Variants in STARD9 observed in about 807,000 individuals in gnomAD.
STARD9 encodes the protein stAR-related lipid transfer protein 9.
STARD9 carries 346 observed loss-of-function variants against 399.8 expected under a neutral mutation model. That is an observed-to-expected ratio of 0.87 (90% CI 0.79 to 0.95). STARD9 has a LOEUF of 0.95. Ranked by LOEUF, STARD9 falls within the 40% of genes least tolerant of loss-of-function variation. The pLI is 0.00. For missense variants in STARD9, 5,832 were observed against 5,667.5 expected (o/e 1.03, Z -0.93); for synonymous variants, 2,203 against 2,143.5 (o/e 1.03, Z -0.77).
chr15:42,681,433 A>G lies in STARD9; in HGVS notation c.1886A>G (p.Glu629Gly). 6.5e-7 allele frequency: 1 copy of G among 1,535,624 alleles called. No individual in the cohort carries two copies. The highest frequency in any genetic ancestry group is 1.4e-5 in the African/African-American group (1 of 73,060). ...CGCTTCTGTGACAGGAGAGCGCTTG[A>G]AGAGCAATGTGACGAGGACCATCAG... ...PLLWKERRALEEQCDEDHQTP... is the reference protein window; with the variant it reads ...PLLWKERRALGEQCDEDHQTP... The change falls in exon 21 of 33, where the codon GAA (glutamate) becomes GGA (glycine). Residue 629 changes from glutamate to glycine, a missense_variant. By Grantham distance (98) the Glu-to-Gly change is moderately conservative (BLOSUM62 -2). Transcript: ENST00000290607.
Position 42,717,056 on chromosome 15 carries a change from A to C in STARD9, c.13494+8A>C. ...GACACTTCTATGGCTGATGTGAGTAACTGCTCCCACCCATCCCTACCATTC... is the reference window on the plus strand; with the variant it reads ...GACACTTCTATGGCTGATGTGAGTACCTGCTCCCACCCATCCCTACCATTC... On this transcript the variant is annotated splice_region_variant and intron_variant, in intron 28 of 32. Coordinates refer to ENST00000290607, the MANE Select transcript of STARD9 (RefSeq NM_020759.3). The C allele has an allele frequency of 6.5e-7, 1 of 1,537,110 alleles. No individual in the cohort carries two copies. Among genetic ancestry groups the C allele is most frequent in the Non-Finnish European group, 8.7e-7 (1 of 1,146,842 alleles).
At position 42,718,872 on chromosome 15, in the gene STARD9, G is replaced by A; in HGVS notation, c.13963G>A (p.Glu4655Lys). 6.5e-7 allele frequency: 1 copy of A among 1,537,208 alleles called. No homozygotes were observed. The highest frequency in any genetic ancestry group is 8.7e-7 in the Non-Finnish European group (1 of 1,146,880). ...SAWILQPITV[E>K]GKEVTRVIYL... ...CTGGATCTTGCAGCCCATCACTGTG[G>A]AAGGGAAGGAAGTCACCAGAGTCAT... Residue 4655 changes from glutamate (E) to lysine (K), a missense_variant, in exon 32 of 33, where the codon GAA becomes AAA. Physicochemically the swap from Glu to Lys is moderately conservative, Grantham distance 56. Around this residue, in one of 2 missense-constraint regions of STARD9, gnomAD observed 5,828 missense variants for 5,651.1 expected, o/e 1.03. Coordinates refer to ENST00000290607, the MANE Select transcript of STARD9 (RefSeq NM_020759.3).
At position 42,581,171 on chromosome 15, in the gene STARD9, C is replaced by G. The variant is rs911012268; in HGVS notation, c.48-2175C>G. 72 of 761,472 alleles carry G rather than the reference C, an allele frequency of 9.5e-5. 1 individual carries two copies. In the African/African-American group the frequency reaches 1.2e-3, roughly 13 times the overall value. 47.2% of individuals were successfully genotyped at this position (761,472 alleles called of 1,614,324 possible). On this transcript the variant is annotated intron_variant, in intron 1 of 32. Transcript: ENST00000290607. Reference sequence around the variant, plus strand: ...AGCATCACCCCCCAGCTGCATGTTTCCTGTCATGATTGTTCAAGTTGTTCA... The same window carrying G: ...AGCATCACCCCCCAGCTGCATGTTTGCTGTCATGATTGTTCAAGTTGTTCA...
chr15:42,710,847 T>G (rs1197647151), intron 26 of STARD9, among the ~76,000 whole-genome samples: 1 of 151,832 alleles, frequency 6.6e-6, no homozygotes, highest in Non-Finnish European at 1.5e-5. Context: ...TCACTCCCAT[T>G]TCTATCTCTG....
chr15:42,590,722 T>G (rs2141694967), intron 3 of STARD9, among the ~76,000 whole-genome samples: 1 of 152,284 alleles, frequency 6.6e-6, no homozygotes, highest in Middle Eastern at 3.4e-3. Context: ...AGCATCCAGT[T>G]GTAACAGAAG....
intron 3 of STARD9, among the ~76,000 whole-genome samples, chr15:42,627,902 C>T (rs1215658755): frequency 6.6e-6 from 1 of 152,112 alleles, no homozygotes; most frequent in Non-Finnish European, 1.5e-5. Flanking sequence ...AGTGCAGATA[C>T]CTTTTTGACA....
At chr15:42,695,069 C>T (rs1465412583) in intron 24 of STARD9, 71 bp from the exon 25 acceptor site, 3 of 1,266,786 alleles carry the variant, frequency 2.4e-6, no homozygotes, top group Non-Finnish European at 3.2e-6. Flanking sequence ...ATCACCCAAG[C>T]TAGCCTTGGA....
intron 16 of STARD9, 121 bp from the exon 17 acceptor site, chr15:42,674,319 G>T: frequency 1.3e-6 from 1 of 799,608 alleles, no homozygotes; most frequent in Non-Finnish European, 2.0e-6. Context: ...GGCTGGGATG[G>T]GATGAGAAGT....
At chr15:42,601,208 C>A (rs1019352434) in intron 3 of STARD9, among the ~76,000 whole-genome samples, 4 of 152,164 alleles carry the variant, frequency 2.6e-5, no homozygotes, top group African/African-American at 9.7e-5. Flanking sequence ...AACAGCATCC[C>A]AAGGCAGAAG....
chr15:42,717,250 T>C (rs2412740), intron 28 of STARD9, among the ~76,000 whole-genome samples: 61,135 of 151,898 alleles, frequency 0.4, 18,146 homozygotes, highest in African/African-American at 0.84. Context: ...TTTGGGAGGC[T>C]GAAGTGGGAG....
chr15:42,692,844 G>A lies in STARD9; in HGVS notation c.11266G>A (p.Gly3756Arg). The A allele has an allele frequency of 8.5e-6, 13 of 1,537,226 alleles. No individual in the cohort carries two copies. The highest frequency in any genetic ancestry group is 1.1e-5 in the Non-Finnish European group (13 of 1,146,922). The change falls in exon 23 of 33, where the codon GGA becomes AGA. Residue 3756 changes from glycine to arginine, a missense_variant. Physicochemically the swap from Gly to Arg is moderately radical, Grantham distance 125. Coordinates refer to ENST00000290607, the MANE Select transcript of STARD9 (RefSeq NM_020759.3). ...CLQTSEAEPQ[G>R]ANVILEGLGS... ...CCAGACTTCAGAGGCTGAACCTCAG[G>A]GAGCCAATGTGATCCTTGAAGGGCT...
chr15:42,655,934 C>G (rs2142006810), intron 9 of STARD9, among the ~76,000 whole-genome samples: 1 of 152,102 alleles, frequency 6.6e-6, no homozygotes, highest in South Asian at 2.1e-4. Context: ...AAACAGTTCT[C>G]AAAAGAAGAT....
At position 42,719,589 on chromosome 15, in the gene STARD9, G is replaced by C. The variant is rs1174823981; in HGVS notation, c.*15G>C. 6.7e-7 allele frequency: 1 copy of C among 1,493,156 alleles called. No homozygotes were observed. Among genetic ancestry groups the C allele is most frequent in the Non-Finnish European group, 9.0e-7 (1 of 1,106,912 alleles). 92.5% of individuals were successfully genotyped at this position (1,493,156 alleles called of 1,614,324 possible). A position where few individuals can be genotyped will look rare whatever the true frequency, so the allele number is the denominator to read the frequency against. On this transcript the variant is annotated 3_prime_UTR_variant, in exon 33 of 33. Coordinates refer to ENST00000290607, the MANE Select transcript of STARD9 (RefSeq NM_020759.3). ...TTGGTAGGTAGCATCTCACCGTCAA[G>C]ATGGTGCTGCTGAGATGCAGGCCCA...
At chr15:42,581,188 A>T in intron 1 of STARD9, 1 of 771,254 alleles carries the variant, frequency 1.3e-6, no homozygotes, top group South Asian at 1.4e-5. Flanking sequence ...TGATTGTTCA[A>T]GTTGTTCAAA....
rs372924530 is a variant in STARD9, at chr15:42,688,911, C to T, written c.7333C>T (p.His2445Tyr). 1 of 1,537,230 alleles carries T rather than the reference C, an allele frequency of 6.5e-7. No homozygotes were observed. Among genetic ancestry groups the T allele is most frequent in the South Asian group, 1.2e-5 (1 of 84,066 alleles). Residue 2445 changes from histidine to tyrosine, a missense_variant, in exon 23 of 33, where the codon CAT (histidine) becomes TAT (tyrosine). His to Tyr is a moderately conservative substitution (Grantham distance 83). Coordinates refer to ENST00000290607, the MANE Select transcript of STARD9 (RefSeq NM_020759.3). ...RISASTSPQDHGKDLRITLLG... is the reference protein window; with the variant it reads ...RISASTSPQDYGKDLRITLLG... ...CTCAGCAAGCACCAGCCCCCAAGAC[C>T]ATGGAAAGGACCTCAGAATCACCTT...
chr15:42,711,679 AT>A (rs2061226993), intron 26 of STARD9, among the ~76,000 whole-genome samples: 1 of 152,168 alleles, frequency 6.6e-6, no homozygotes, highest in Non-Finnish European at 1.5e-5. Context: ...TGGCCGAGTA[AT>A]ACTCCATTAT....
At chr15:42,638,118 G>GTAGT (rs778633609) in intron 6 of STARD9, 31 bp downstream of exon 6, 223 of 1,525,912 alleles carry the variant, frequency 1.5e-4, no homozygotes, top group Non-Finnish European at 1.8e-4. Context: ...GGGACCTACA[G>GTAGT]TAGTTCTTCT....
intron 3 of STARD9, among the ~76,000 whole-genome samples, chr15:42,615,673 A>C (rs1382292364): frequency 1.3e-5 from 2 of 151,720 alleles, no homozygotes; most frequent in Admixed American, 1.3e-4. Flanking sequence ...GGGAGTGAGA[A>C]TTAACATAGG....
At chr15:42,683,567 C>T (rs902385740) in intron 22 of STARD9, among the ~76,000 whole-genome samples, 1 of 152,148 alleles carries the variant, frequency 6.6e-6, no homozygotes, top group Admixed American at 6.5e-5. Context: ...TTCTCTGCTG[C>T]CCAAAACTAT....
Sources: gnomAD v4.1 joint callset for allele counts (sites outside exome capture counted in the v4.1 genomes callset) on GRCh38, gnomAD v4.1.1 for gene constraint, gnomAD v4.1.1 regional missense constraint, MANE v1.5 for transcripts, NCBI Gene and HGNC (gene_info 2026-07-23, HGNC 2026-07-21) for gene names.